Variants in FAM135B observed in about 807,000 individuals in gnomAD.
FAM135B encodes family with sequence similarity 135 member B.
In FAM135B, 43 loss-of-function variants were observed where a neutral mutation model predicts 127.7. The observed-to-expected ratio is 0.34, with a 90% CI of 0.26 to 0.43. The LOEUF is 0.43. FAM135B is among the 20% of genes least tolerant of loss of function. The pLI, the probability that FAM135B is intolerant of heterozygous loss-of-function variation, is 1.00. For missense variants in FAM135B, 1,558 were observed against 1,725.6 expected (o/e 0.90, Z 1.72); for synonymous variants, 670 against 665.1 (o/e 1.01, Z -0.11).
chr8:138,248,611 G>T (rs76375142), intron 6 of FAM135B, among the ~76,000 whole-genome samples: 6,770 of 152,026 alleles, frequency 0.045, 452 homozygotes, highest in African/African-American at 0.15. Context: ...CTTGACCTCA[G>T]GAATTTGAGA....
intron 1 of FAM135B, chr8:138,437,469 C>T (rs1835516728): frequency 6.6e-6 from 1 of 152,214 alleles, no homozygotes; most frequent in Admixed American, 6.5e-5. Context: ...ACCTCTCCTT[C>T]CTGCCGCCTT....
chr8:138,167,359 C>A (rs1378308728), intron 12 of FAM135B, among the ~76,000 whole-genome samples: 2 of 152,082 alleles, frequency 1.3e-5, no homozygotes, highest in Non-Finnish European at 2.9e-5. Flanking sequence ...CCACGCCCAG[C>A]TCATTTTTGT....
intron 12 of FAM135B, among the ~76,000 whole-genome samples, chr8:138,160,949 A>T (rs1330297608): frequency 2.0e-5 from 3 of 152,206 alleles, no homozygotes; most frequent in African/African-American, 7.2e-5. Flanking sequence ...CCTGATTTTC[A>T]ATTCTGACAT....
intron 1 of FAM135B, among the ~76,000 whole-genome samples, chr8:138,396,725 C>G (rs1018434430): frequency 6.6e-6 from 1 of 152,082 alleles, no homozygotes; most frequent in Admixed American, 6.6e-5. Flanking sequence ...CACTTTACCT[C>G]GCTCAGGAAA....
At chr8:138,316,192 C>T (rs924963762) in intron 2 of FAM135B, among the ~76,000 whole-genome samples, 3 of 152,222 alleles carry the variant, frequency 2.0e-5, no homozygotes, top group Admixed American at 1.3e-4. Flanking sequence ...TATTCAACAT[C>T]ATCAGACAAA....
At chr8:138,201,591 T>A (rs1817125439) in intron 7 of FAM135B, among the ~76,000 whole-genome samples, 2 of 152,138 alleles carry the variant, frequency 1.3e-5, no homozygotes, top group African/African-American at 4.8e-5. Context: ...AGAGTCGGTG[T>A]CAGAGTGGAC....
intron 2 of FAM135B, among the ~76,000 whole-genome samples, chr8:138,365,567 T>G (rs758606829): frequency 6.6e-6 from 1 of 152,228 alleles, no homozygotes; most frequent in Admixed American, 6.5e-5. Flanking sequence ...CTTATCATCT[T>G]TAATTTTTAC....
At chr8:138,497,455 G>C (rs1193000811), upstream of FAM135B, among the ~76,000 whole-genome samples, 1 of 152,054 alleles carries the variant, frequency 6.6e-6, no homozygotes, top group Non-Finnish European at 1.5e-5. Context: ...CCGCGGCGGG[G>C]CTCCCCTCTC....
intron 1 of FAM135B, among the ~76,000 whole-genome samples, chr8:138,462,265 C>T (rs547757427): frequency 1.3e-5 from 2 of 152,152 alleles, no homozygotes; most frequent in South Asian, 2.1e-4. Flanking sequence ...ATACCAAAGG[C>T]CATTTGGGGA....
At position 138,470,772 on chromosome 8, in the gene FAM135B, C is replaced by A. The variant is rs1303810195; in HGVS notation, c.-20+25899G>T. On this transcript the variant is annotated intron_variant, in intron 1 of 19. Transcript: ENST00000395297. ...CACTCCAACTTGCTTTGTTAGGAGT[C>A]CCCCTTCCCTCAAGACACTGGTCAC... Among the ~76,000 whole-genome samples, 3 of 152,308 alleles carry A rather than the reference C, an allele frequency of 2.0e-5. No homozygotes were observed. In the East Asian group the frequency reaches 5.8e-4, roughly 29 times the overall value.
chr8:138,168,824 A>G (rs187207358), intron 11 of FAM135B, among the ~76,000 whole-genome samples: 249 of 152,292 alleles, frequency 1.6e-3, no homozygotes, highest in Non-Finnish European at 3.1e-3. Flanking sequence ...TGCCAACTCA[A>G]TCACTCTTCC....
chr8:138,444,328 C>A (rs946718907), intron 1 of FAM135B, among the ~76,000 whole-genome samples: 7 of 152,156 alleles, frequency 4.6e-5, no homozygotes, highest in African/African-American at 1.7e-4. Context: ...AACTCTCCAC[C>A]CCAAATCAAC....
At chr8:138,206,836 T>A (rs1817718163) in intron 7 of FAM135B, among the ~76,000 whole-genome samples, 1 of 150,922 alleles carries the variant, frequency 6.6e-6, no homozygotes, top group Non-Finnish European at 1.5e-5. Flanking sequence ...CAGCATCCTC[T>A]CCACCTACAC....
chr8:138,238,628 C>A (rs1820489990), intron 7 of FAM135B, among the ~76,000 whole-genome samples: 1 of 152,214 alleles, frequency 6.6e-6, no homozygotes, highest in Admixed American at 6.5e-5. Context: ...AATGTCTCTG[C>A]AAGGAAAGGC....
rs1471247804 is a variant in FAM135B, at chr8:138,243,470, C to G, written c.543-402G>C. ...TCCCTGCTCCTTCCACCAACTCCTC[C>G]CTCCCTGGACCTCTTTTCTTCTGTG... On this transcript the variant is annotated intron_variant, in intron 6 of 19. Coordinates refer to ENST00000395297, the MANE Select transcript of FAM135B (RefSeq NM_015912.4). This position sits in a 1 kb window ranked among gnomAD's most constrained non-coding sequence, Gnocchi z 7.5. 6.6e-6 allele frequency among the ~76,000 whole-genome samples: 1 copy of G among 152,168 alleles called. No homozygotes were observed. Among genetic ancestry groups the G allele is most frequent in the African/African-American group, 2.4e-5 (1 of 41,434 alleles).
chr8:138,151,524 G>A lies in FAM135B; in HGVS notation c.2951C>T (p.Thr984Ile), dbSNP rs780098991. The change falls in exon 13 of 20, where the codon ACT (threonine) becomes ATT (isoleucine). Residue 984 changes from threonine (T) to isoleucine (I), a missense_variant. Transcript: ENST00000395297. The stretch of plus-strand genomic sequence containing the variant: ...GGAATGGGTCACAGTGGGGCACACA[G>A]TGCCTGCTTTATGTTTAGCCTCCGG... The part of the protein sequence containing the change: ...AFPEAKHKAG[T>I]VCPTVTHSVH... The A allele has an allele frequency of 6.2e-7, 1 of 1,614,230 alleles. No homozygotes were observed. Among genetic ancestry groups the A allele is most frequent in the Admixed American group, 1.7e-5 (1 of 60,028 alleles).
Position 138,478,139 on chromosome 8 carries a change from T to A in FAM135B, c.-20+18532A>T, listed in dbSNP as rs55891686. ...CATAATTTCTTCCCCCAAAACAAGA[T>A]GAAATCCCAACCCATCCCCCTGACA... On this transcript the variant is annotated intron_variant, in intron 1 of 19. Transcript: ENST00000395297. Among the ~76,000 whole-genome samples the A allele has an allele frequency of 9.6e-3, 1,455 of 152,220 alleles. 7 individuals are homozygous for A. The highest frequency in any genetic ancestry group is 0.016 in the Non-Finnish European group (1,074 of 68,004).
intron 12 of FAM135B, among the ~76,000 whole-genome samples, chr8:138,153,655 G>C (rs1239911084): frequency 6.6e-6 from 1 of 152,176 alleles, no homozygotes; most frequent in East Asian, 1.9e-4. Flanking sequence ...CACCTGGCTT[G>C]GAGGGTCCTA....
chr8:138,215,249 G>T (rs2129931065), intron 7 of FAM135B, among the ~76,000 whole-genome samples: 1 of 152,322 alleles, frequency 6.6e-6, no homozygotes, highest in African/African-American at 2.4e-5. Flanking sequence ...TCTGTAAAAT[G>T]AGGGAAAACT....
Sources: gnomAD v4.1 joint callset for allele counts (sites outside exome capture counted in the v4.1 genomes callset) on GRCh38, gnomAD v4.1.1 for gene constraint, Gnocchi (gnomAD v3.1) non-coding constraint, MANE v1.5 for transcripts, NCBI Gene and HGNC (gene_info 2026-07-23, HGNC 2026-07-21) for gene names.